FBN1: variants seen among roughly 807,000 people sequenced by gnomAD.
FBN1 encodes fibrillin 1.
FBN1 carries 29 observed loss-of-function variants against 365.1 expected under a neutral mutation model. The observed-to-expected ratio is 0.08, with a 90% confidence interval of 0.06 to 0.11. FBN1 has a LOEUF of 0.11. Ranked by LOEUF, FBN1 falls within the 10% of genes least tolerant of loss-of-function variation. The pLI is 1.00. For missense variants in FBN1, 2,476 were observed against 3,703.2 expected (o/e 0.67, Z 8.60); for synonymous variants, 1,210 against 1,270.5 (o/e 0.95, Z 1.01).
intron 32 of FBN1, among the ~76,000 whole-genome samples, chr15:48,480,006 C>T (rs538608778): frequency 6.6e-6 from 1 of 152,140 alleles, no homozygotes; most frequent in African/African-American, 2.4e-5. Flanking sequence ...CAGCACTGCG[C>T]CAACAGCATT....
chr15:48,527,358 CAGA>C (rs2043923404), intron 8 of FBN1, among the ~76,000 whole-genome samples: 5 of 152,284 alleles, frequency 3.3e-5, no homozygotes, highest in Admixed American at 2.6e-4. Context: ...ACGGCACCAG[CAGA>C]AGAAGAGAAA....
intron 6 of FBN1, among the ~76,000 whole-genome samples, chr15:48,560,090 C>T (rs895868049): frequency 2.6e-5 from 4 of 152,174 alleles, no homozygotes; most frequent in African/African-American, 9.7e-5. Flanking sequence ...TGCATGAAAT[C>T]AGGCTCACCC....
intron 6 of FBN1, among the ~76,000 whole-genome samples, chr15:48,587,975 G>A (rs971317000): frequency 2.0e-5 from 3 of 151,990 alleles, no homozygotes; most frequent in African/African-American, 7.3e-5. Context: ...GCCTCTCTTT[G>A]ATTTTCTAAG....
intron 6 of FBN1, among the ~76,000 whole-genome samples, chr15:48,594,537 T>C (rs2044502868): frequency 6.6e-6 from 1 of 152,226 alleles, no homozygotes; most frequent in African/African-American, 2.4e-5. Flanking sequence ...CTGAGTAACA[T>C]GCCAGTTTTG....
intron 48 of FBN1, among the ~76,000 whole-genome samples, chr15:48,444,958 G>A (rs1689138736): frequency 6.6e-6 from 1 of 151,740 alleles, no homozygotes; most frequent in Admixed American, 6.6e-5. Flanking sequence ...AAAGATATGA[G>A]AGCTTACTAC....
intron 2 of FBN1, among the ~76,000 whole-genome samples, chr15:48,639,600 T>C (rs1890163825): frequency 6.6e-6 from 1 of 152,184 alleles, no homozygotes; most frequent in South Asian, 2.1e-4. Flanking sequence ...CACTTAATGA[T>C]GAGTTAGTGG....
chr15:48,472,746 C>A (rs998554256), intron 34 of FBN1, 70 bp from the exon 35 acceptor site: 1 of 1,606,854 alleles, frequency 6.2e-7, no homozygotes, highest in Non-Finnish European at 8.5e-7. Flanking sequence ...GGTCTATCAA[C>A]TTTCCAGTGC....
chr15:48,557,249 T>C (rs757600533), intron 6 of FBN1, among the ~76,000 whole-genome samples: 1 of 152,114 alleles, frequency 6.6e-6, no homozygotes, highest in Non-Finnish European at 1.5e-5. Flanking sequence ...ACTTCATAGA[T>C]GAAAAAAACT....
intron 47 of FBN1, among the ~76,000 whole-genome samples, chr15:48,446,344 AC>A (rs1460488470): frequency 6.6e-6 from 1 of 152,150 alleles, no homozygotes; most frequent in Non-Finnish European, 1.5e-5. Context: ...ATTACAGTAT[AC>A]TGTTATAATT....
intron 5 of FBN1, 96 bp from the exon 6 acceptor site, chr15:48,596,474 TAA>T: frequency 8.6e-7 from 1 of 1,160,472 alleles, no homozygotes; most frequent in Non-Finnish European, 1.3e-6. Context: ...ATAAAATGTC[TAA>T]AGTCACCCTG....
chr15:48,494,302 A>G, intron 22 of FBN1, 48 bp from the exon 23 acceptor site: 1 of 1,443,894 alleles, frequency 6.9e-7, no homozygotes, highest in Non-Finnish European at 9.7e-7. Flanking sequence ...TTGAGATAAC[A>G]ATATCCAGAC....
intron 2 of FBN1, among the ~76,000 whole-genome samples, chr15:48,625,233 A>G (rs1341096188): frequency 1.3e-5 from 2 of 152,180 alleles, no homozygotes; most frequent in Non-Finnish European, 2.9e-5. Flanking sequence ...TGGTCTCCAG[A>G]CCAGTCAAAT....
chr15:48,454,152 G>A (rs904795551), intron 44 of FBN1, among the ~76,000 whole-genome samples: 3 of 152,210 alleles, frequency 2.0e-5, no homozygotes, highest in Non-Finnish European at 4.4e-5. Context: ...TTGCTAAAAT[G>A]CAGATTCTGA....
intron 64 of FBN1, among the ~76,000 whole-genome samples, chr15:48,413,403 T>C (rs961087493): frequency 2.6e-5 from 4 of 152,200 alleles, no homozygotes; most frequent in African/African-American, 4.8e-5. Context: ...TCAAAACCAC[T>C]AGGGCCACTG....
At chr15:48,463,433 G>A (rs2043296411) in intron 41 of FBN1, among the ~76,000 whole-genome samples, 193 bp from the exon 42 acceptor site, 1 of 152,164 alleles carries the variant, frequency 6.6e-6, no homozygotes, top group African/African-American at 2.4e-5. Context: ...AAAGGACTTT[G>A]AGAAATACAT....
At chr15:48,440,123 A>C (rs1296363201) in intron 50 of FBN1, among the ~76,000 whole-genome samples, 1 of 152,218 alleles carries the variant, frequency 6.6e-6, no homozygotes, top group Admixed American at 6.5e-5. Context: ...GCATTGGGGA[A>C]GAGAGCTGTG....
At chr15:48,567,809 C>A (rs185862515) in intron 6 of FBN1, among the ~76,000 whole-genome samples, 10 of 151,988 alleles carry the variant, frequency 6.6e-5, no homozygotes, top group African/African-American at 2.4e-4. Context: ...AAGAAACTAC[C>A]TCAACCTGTT....
chr15:48,462,835 T>C (rs558385931), intron 42 of FBN1, among the ~76,000 whole-genome samples: 1 of 152,368 alleles, frequency 6.6e-6, no homozygotes, highest in Non-Finnish European at 1.5e-5. Flanking sequence ...TTATAGTTTA[T>C]ATTTTTGTGA....
chr15:48,577,439 T>C (rs1411191532), intron 6 of FBN1, among the ~76,000 whole-genome samples: 1 of 152,162 alleles, frequency 6.6e-6, no homozygotes. Context: ...GTTCTCAAAA[T>C]TAAAAAGTAT....
Sources: allele counts gnomAD v4.1 joint callset (sites outside exome capture counted in the v4.1 genomes callset), GRCh38; gene constraint gnomAD v4.1.1; transcripts MANE v1.5; gene names NCBI Gene and HGNC (gene_info 2026-07-23, HGNC 2026-07-21).